Variants in TSPAN11 observed in about 807,000 individuals in gnomAD.
TSPAN11 encodes tetraspanin-11.
TSPAN11 carries 29 observed loss-of-function variants against 32.9 expected under a neutral mutation model. That is an observed-to-expected ratio of 0.88 (90% CI 0.66 to 1.20). The LOEUF (loss-of-function observed/expected upper bound fraction) is 1.20. TSPAN11 is among the 50% of genes most tolerant of loss of function. The probability of loss-of-function intolerance (pLI) is 0.00; values close to 1 mark genes in which losing one functional copy is unlikely to be tolerated. For synonymous variants in TSPAN11, 140 were observed against 141.3 expected (o/e 0.99, Z 0.07); for missense variants, 283 against 329.1 (o/e 0.86, Z 1.08).
At chr12:30,927,681 T>G (rs1279093659) in intron 1 of TSPAN11, among the ~76,000 whole-genome samples, 6 of 151,978 alleles carry the variant, frequency 3.9e-5, no homozygotes, top group Non-Finnish European at 1.5e-5. Context: ...AAGAAGAGAA[T>G]GAGGGTGGTA....
intron 3 of TSPAN11, among the ~76,000 whole-genome samples, chr12:30,973,391 A>T (rs941439482): frequency 6.6e-6 from 1 of 152,192 alleles, no homozygotes; most frequent in African/African-American, 2.4e-5. Flanking sequence ...TGTTACTGTT[A>T]CATGTGGGTA....
At chr12:30,986,012 C>T in intron 7 of TSPAN11, among the ~76,000 whole-genome samples, 1 of 152,272 alleles carries the variant, frequency 6.6e-6, no homozygotes, top group Non-Finnish European at 1.5e-5. Flanking sequence ...AGGGCTCCCT[C>T]TGCCAGCTGA....
chr12:31,003,455 G>C, the TSPAN11 span, among the ~76,000 whole-genome samples: 2 of 152,216 alleles, frequency 1.3e-5, no homozygotes, highest in Non-Finnish European at 2.9e-5. Flanking sequence ...GGGGGTGGCT[G>C]GGGGAGCAGA....
chr12:30,934,191 C>T (rs1014054443), intron 1 of TSPAN11, among the ~76,000 whole-genome samples: 23 of 152,224 alleles, frequency 1.5e-4, no homozygotes, highest in African/African-American at 5.1e-4. Context: ...CAGGGGTGAC[C>T]GGGAAGACCC....
intron 3 of TSPAN11, among the ~76,000 whole-genome samples, chr12:30,972,797 G>C (rs1757215189): frequency 6.7e-6 from 1 of 150,322 alleles, no homozygotes; most frequent in African/African-American, 2.5e-5. Flanking sequence ...AGGAAAGCCG[G>C]CTGCGCAGGG....
At chr12:30,971,022 A>G (rs1475312919) in intron 3 of TSPAN11, among the ~76,000 whole-genome samples, 1 of 152,038 alleles carries the variant, frequency 6.6e-6, no homozygotes, top group Non-Finnish European at 1.5e-5. Flanking sequence ...ATCCTCTCAC[A>G]CACAGAGCCA....
chr12:30,960,263 A>C (rs1365432070), intron 2 of TSPAN11, among the ~76,000 whole-genome samples: 1 of 151,802 alleles, frequency 6.6e-6, no homozygotes, highest in Non-Finnish European at 1.5e-5. Flanking sequence ...GGGGCTTGGC[A>C]TGTAGCAGGT....
chr12:31,005,117 T>C, the TSPAN11 span, among the ~76,000 whole-genome samples: 2 of 152,304 alleles, frequency 1.3e-5, no homozygotes, highest in East Asian at 1.9e-4. Flanking sequence ...GGGTCCTGTA[T>C]TCCCACAGGT....
chr12:30,981,032 G>A (rs1488400800), intron 5 of TSPAN11, among the ~76,000 whole-genome samples: 1 of 152,238 alleles, frequency 6.6e-6, no homozygotes, highest in Non-Finnish European at 1.5e-5. Flanking sequence ...GTTCCATGGG[G>A]CAGAGGCGGG....
chr12:30,936,446 G>T (rs1316401138), intron 1 of TSPAN11, among the ~76,000 whole-genome samples: 5 of 152,120 alleles, frequency 3.3e-5, no homozygotes, highest in South Asian at 2.1e-4. Flanking sequence ...TAATTAACTG[G>T]TTAATTTTAA....
At chr12:30,978,530 A>C (rs1251790920) in intron 3 of TSPAN11, 31 bp from the exon 4 acceptor site, 1 of 1,611,168 alleles carries the variant, frequency 6.2e-7, no homozygotes, top group Non-Finnish European at 8.5e-7. Context: ...ACCCGATCCC[A>C]GTGGTGACCG....
At chr12:30,969,214 G>A (rs142996613) in intron 3 of TSPAN11, among the ~76,000 whole-genome samples, 1 of 152,194 alleles carries the variant, frequency 6.6e-6, no homozygotes, top group Middle Eastern at 3.2e-3. Context: ...GGCGCTGGTG[G>A]GAAGTTCAGG....
intron 2 of TSPAN11, among the ~76,000 whole-genome samples, chr12:30,961,043 A>AAC (rs370310545): frequency 3.3e-5 from 5 of 151,084 alleles, no homozygotes; most frequent in Admixed American, 6.6e-5. Context: ...AAAAAAAAAA[A>AAC]GAAAAATGTA....
At chr12:30,974,385 C>T (rs1938917123) in intron 3 of TSPAN11, among the ~76,000 whole-genome samples, 1 of 152,318 alleles carries the variant, frequency 6.6e-6, no homozygotes, top group East Asian at 1.9e-4. Context: ...GGCCTCGACC[C>T]TCTAGATACT....
rs750835880 is a variant in TSPAN11 at position 30,963,841 on chromosome 12, G to A, written c.100G>A (p.Val34Ile). The A allele has an allele frequency of 9.9e-6, 16 of 1,609,034 alleles. No individual in the cohort carries two copies. Among genetic ancestry groups the A allele is most frequent in the Admixed American group, 3.3e-5 (2 of 60,000 alleles). ...NFFFWVGGAA[V>I]LAVGIWTLVE... Reference sequence around the variant, plus strand: ...TCTCCTGCAGGTCGGGGGAGCAGCCGTCCTGGCTGTGGGCATCTGGACCCT... The same window carrying A: ...TCTCCTGCAGGTCGGGGGAGCAGCCATCCTGGCTGTGGGCATCTGGACCCT... The change falls in exon 3 of 8, where the codon GTC (valine) becomes ATC (isoleucine). Residue 34 changes from valine (V) to isoleucine (I), a missense_variant. Val to Ile is a conservative substitution (Grantham distance 29). Coordinates refer to ENST00000546076, the MANE Select transcript of TSPAN11 (RefSeq NM_001370302.1).
intron 6 of TSPAN11, 120 bp downstream of exon 6, chr12:30,982,810 GCCACGAGCCCA>G: frequency 7.2e-7 from 1 of 1,390,206 alleles, no homozygotes; most frequent in Non-Finnish European, 9.7e-7. Context: ...GTGCTCCTTG[GCCACGAGCCCA>G]CAGTGTCTGG....
chr12:31,007,075 G>A, the TSPAN11 span, among the ~76,000 whole-genome samples: 2 of 152,124 alleles, frequency 1.3e-5, no homozygotes, highest in Admixed American at 1.3e-4. Context: ...GTGACCTCTT[G>A]TGCTGGGGCT....
At chr12:30,980,277 C>T (rs1939062512) in intron 5 of TSPAN11, among the ~76,000 whole-genome samples, 1 of 152,204 alleles carries the variant, frequency 6.6e-6, no homozygotes, top group African/African-American at 2.4e-5. Flanking sequence ...CAGAGCTGTC[C>T]TGTTCAATAC....
intron 1 of TSPAN11, among the ~76,000 whole-genome samples, chr12:30,950,222 A>G (rs1592469621): frequency 6.6e-6 from 1 of 151,848 alleles, no homozygotes; most frequent in Admixed American, 6.6e-5. Flanking sequence ...CCCCCTACAT[A>G]CCCTTCAGCT....
Sources: allele counts gnomAD v4.1 joint callset (sites outside exome capture counted in the v4.1 genomes callset), GRCh38; gene constraint gnomAD v4.1.1; transcripts MANE v1.5; gene names NCBI Gene and HGNC (gene_info 2026-07-23, HGNC 2026-07-21).